Variants in IL15 observed in about 807,000 individuals in gnomAD.
The protein encoded by IL15 is interleukin-15.
A neutral mutation model predicts 19.6 loss-of-function variants in IL15; 11 were observed. The observed-to-expected ratio is 0.56, with a 90% CI of 0.35 to 0.93. The LOEUF is 0.93. IL15 is among the 40% of genes least tolerant of loss of function. The pLI, the probability that IL15 is intolerant of heterozygous loss-of-function variation, is 0.01. For missense variants in IL15, 197 were observed against 186.5 expected, an observed-to-expected ratio of 1.06 and a Z score of -0.33; for synonymous variants, 58 against 59.6, an observed-to-expected ratio of 0.97 and a Z score of 0.12.
At chr4:141,687,731 G>T (rs1236846799) in intron 2 of IL15, among the ~76,000 whole-genome samples, 1 of 151,982 alleles carries the variant, frequency 6.6e-6, no homozygotes, top group Non-Finnish European at 1.5e-5. Flanking sequence ...AAAAATTTTT[G>T]CAATAATTGT....
At chr4:141,720,690 G>C in intron 4 of IL15, 124 bp downstream of exon 4, 2 of 691,252 alleles carry the variant, frequency 2.9e-6, no homozygotes, top group Middle Eastern at 5.2e-4. Context: ...CAGTATCTGG[G>C]GGATAGAAGG....
intron 2 of IL15, among the ~76,000 whole-genome samples, chr4:141,706,955 A>G (rs1481061361): frequency 2.0e-5 from 3 of 152,180 alleles, no homozygotes; most frequent in Non-Finnish European, 4.4e-5. Context: ...ATCTCTGAAT[A>G]CTTGGGAAGC....
At chr4:141,683,635 T>C (rs1328039982) in intron 2 of IL15, among the ~76,000 whole-genome samples, 2 of 152,008 alleles carry the variant, frequency 1.3e-5, no homozygotes, top group East Asian at 1.9e-4. Flanking sequence ...TTGTTTGTTA[T>C]AGTAACTGCA....
At chr4:141,682,990 G>T (rs867296390) in intron 2 of IL15, among the ~76,000 whole-genome samples, 1 of 151,974 alleles carries the variant, frequency 6.6e-6, no homozygotes, top group Non-Finnish European at 1.5e-5. Context: ...AACAATAGGG[G>T]CTGGGTGCGG....
At chr4:141,701,273 G>A (rs763460162) in intron 2 of IL15, among the ~76,000 whole-genome samples, 100 of 151,250 alleles carry the variant, frequency 6.6e-4, no homozygotes, top group Middle Eastern at 3.4e-3. Context: ...ATTTATTTTT[G>A]ATGGGACTGA....
chr4:141,703,913 T>C (rs1189676472), intron 2 of IL15, among the ~76,000 whole-genome samples: 1 of 152,200 alleles, frequency 6.6e-6, no homozygotes, highest in Non-Finnish European at 1.5e-5. Context: ...ATGTTGTTTT[T>C]CTGTCCTGCA....
intron 1 of IL15, among the ~76,000 whole-genome samples, chr4:141,638,147 G>C (rs529937355): frequency 6.6e-6 from 1 of 152,290 alleles, no homozygotes; most frequent in African/African-American, 2.4e-5. Context: ...GTGAAGTAAT[G>C]TGGCCAACAG....
chr4:141,673,880 C>T (rs918255454), intron 2 of IL15, among the ~76,000 whole-genome samples: 1 of 152,150 alleles, frequency 6.6e-6, no homozygotes, highest in Non-Finnish European at 1.5e-5. Flanking sequence ...ATGATCTGCT[C>T]TTTTCATTCA....
At chr4:141,703,312 A>G (rs1168944418) in intron 2 of IL15, among the ~76,000 whole-genome samples, 1 of 152,108 alleles carries the variant, frequency 6.6e-6, no homozygotes, top group African/African-American at 2.4e-5. Flanking sequence ...TCAAAATTAT[A>G]TCACAAATTC....
chr4:141,728,562 T>C (rs1197419508), intron 6 of IL15, among the ~76,000 whole-genome samples: 3 of 152,150 alleles, frequency 2.0e-5, no homozygotes, highest in East Asian at 1.9e-4. Context: ...GGATTTGTCA[T>C]GTTGGTGGTG....
intron 2 of IL15, chr4:141,718,165 A>G (rs974627743): frequency 6.6e-6 from 1 of 152,196 alleles, no homozygotes; most frequent in African/African-American, 2.4e-5. Context: ...GTAAAGCCTC[A>G]CTGCTATAAG....
chr4:141,656,628 T>C (rs150367636), intron 2 of IL15, among the ~76,000 whole-genome samples: 6 of 152,224 alleles, frequency 3.9e-5, no homozygotes, highest in Admixed American at 1.3e-4. Flanking sequence ...TGTAGGTGTA[T>C]GGCTATGTCC....
At chr4:141,639,312 G>C (rs908944221) in intron 1 of IL15, among the ~76,000 whole-genome samples, 11 of 152,148 alleles carry the variant, frequency 7.2e-5, no homozygotes, top group Admixed American at 1.3e-4. Context: ...GCGTTGTAAT[G>C]GTAGAATGCC....
chr4:141,721,289 C>G (rs755375820), intron 4 of IL15: 16 of 684,480 alleles, frequency 2.3e-5, no homozygotes, highest in Non-Finnish European at 4.0e-5. Context: ...TCCAATGTTA[C>G]TTGGTCAGTA....
chr4:141,702,474 A>G (rs1295822572), intron 2 of IL15, among the ~76,000 whole-genome samples: 1 of 152,188 alleles, frequency 6.6e-6, no homozygotes, highest in Non-Finnish European at 1.5e-5. Context: ...AGTGACGTAG[A>G]CTGAGATTCC....
At position 141,727,982 on chromosome 4, in the gene IL15, C is replaced by T. The variant is rs769020860; in HGVS notation, c.238C>T (p.His80Tyr). 4.5e-6 allele frequency: 6 copies of T among 1,341,204 alleles called. No homozygotes were observed. The highest frequency in any genetic ancestry group is 1.3e-5 in the South Asian group (1 of 78,778). 83.1% of individuals were successfully genotyped at this position (1,341,204 alleles called of 1,614,324 possible). The change falls in exon 6 of 8, where the codon CAC becomes TAC. Residue 80 changes from histidine (H) to tyrosine (Y), a missense_variant and splice_region_variant. Transcript: ENST00000320650. The stretch of plus-strand genomic sequence containing the variant: ...TACTTTATATACGGAAAGTGATGTT[C>T]ACGTGAGTATACTTTTTTTCAAAAT... ...DATLYTESDV[H>Y]PSCKVTAMKC... is the part of the protein sequence containing the mutation.
intron 2 of IL15, among the ~76,000 whole-genome samples, chr4:141,712,569 G>T (rs937781539): frequency 6.7e-6 from 1 of 149,162 alleles, no homozygotes; most frequent in Non-Finnish European, 1.5e-5. Context: ...GCTACCTGAG[G>T]TGTTTCTATA....
chr4:141,681,573 A>T (rs1263461471), intron 2 of IL15, among the ~76,000 whole-genome samples: 1 of 152,188 alleles, frequency 6.6e-6, no homozygotes, highest in Non-Finnish European at 1.5e-5. Context: ...TGTTTGCATG[A>T]TGTAAATATT....
At chr4:141,697,397 G>C (rs1729134410) in intron 2 of IL15, among the ~76,000 whole-genome samples, 1 of 152,076 alleles carries the variant, frequency 6.6e-6, no homozygotes, top group Non-Finnish European at 1.5e-5. Flanking sequence ...GTACTATGCT[G>C]TTTTGGTAAC....
Sources: gnomAD v4.1 joint callset for allele counts (sites outside exome capture counted in the v4.1 genomes callset) on GRCh38, gnomAD v4.1.1 for gene constraint, MANE v1.5 for transcripts, NCBI Gene and HGNC (gene_info 2026-07-23, HGNC 2026-07-21) for gene names.